Variants in IL1RAPL2 observed in about 807,000 individuals in gnomAD.
The protein encoded by IL1RAPL2 is interleukin 1 receptor accessory protein like 2.
A neutral mutation model predicts 44.1 loss-of-function variants in IL1RAPL2; 3 were observed. The observed-to-expected ratio is 0.07, with a 90% CI of 0.03 to 0.18. The LOEUF is 0.18. IL1RAPL2 is among the 10% of genes least tolerant of loss of function. IL1RAPL2 has a pLI of 1.00. For missense variants in IL1RAPL2, 391 were observed against 496.4 expected, an observed-to-expected ratio of 0.79 and a Z score of 2.02; for synonymous variants, 181 against 178.8, an observed-to-expected ratio of 1.01 and a Z score of -0.10.
At chrX:104,761,830 TCTTCTCCTTCTCCTTCTTCTC>T (rs1569309699) in intron 2 of IL1RAPL2, among the ~76,000 whole-genome samples, 92 of 72,478 alleles carry the variant, frequency 1.3e-3, no homozygotes, top group African/African-American at 1.9e-3. Flanking sequence ...TCCTTCTCCT[TCTTCTCCTTCTCCTTCTTCTC>T]CTTCTCCTTC....
At chrX:104,678,675 T>G (rs1380351268) in intron 2 of IL1RAPL2, among the ~76,000 whole-genome samples, 1 of 111,950 alleles carries the variant, frequency 8.9e-6, no homozygotes, top group African/African-American at 3.2e-5. Flanking sequence ...TAACTACAAC[T>G]TGGCCAAAGC....
intron 2 of IL1RAPL2, among the ~76,000 whole-genome samples, chrX:105,041,753 G>C (rs1012813619): frequency 1.8e-5 from 2 of 108,482 alleles, no homozygotes; most frequent in African/African-American, 6.8e-5. Flanking sequence ...AACCAAAAAA[G>C]AGCCCGCATC....
At chrX:105,464,283 A>C (rs973181557) in intron 5 of IL1RAPL2, among the ~76,000 whole-genome samples, 2 of 112,070 alleles carry the variant, frequency 1.8e-5, no homozygotes, top group Admixed American at 9.5e-5. Context: ...CTATAAGATA[A>C]ATGCTATTAT....
chrX:105,292,882 G>A (rs897419960), intron 5 of IL1RAPL2, among the ~76,000 whole-genome samples: 20 of 110,452 alleles, frequency 1.8e-4, no homozygotes, highest in Middle Eastern at 4.8e-3. Flanking sequence ...GGGAGGCCAA[G>A]GCAGGCGGAT....
At chrX:105,095,014 A>G (rs1452272806) in intron 2 of IL1RAPL2, among the ~76,000 whole-genome samples, 1 of 111,812 alleles carries the variant, frequency 8.9e-6, no homozygotes. Context: ...GTATACCAAT[A>G]TCGTATCTTG....
rs781236209 is a variant in IL1RAPL2 at position 105,031,433 on chromosome X, A to C, written c.83-164042A>C. On this transcript the variant is annotated intron_variant, in intron 2 of 10. Coordinates refer to ENST00000372582, the MANE Select transcript of IL1RAPL2 (RefSeq NM_017416.2). ...GATATGTTCCATCAATACCTAATTT[A>C]TTGAGAGTTTTTAGCATGAAGGGTT... Among the ~76,000 whole-genome samples, 509 of 111,474 alleles carry C rather than the reference A, an allele frequency of 4.6e-3. 3 individuals carry two copies. The highest frequency in any genetic ancestry group is 0.014 in the African/African-American group (438 of 30,604).
intron 5 of IL1RAPL2, among the ~76,000 whole-genome samples, chrX:105,318,898 A>G (rs1218605629): frequency 8.9e-6 from 1 of 112,466 alleles, no homozygotes; most frequent in Non-Finnish European, 1.9e-5. Context: ...AGGGAATTAT[A>G]GCTATCGCCT....
Position 104,635,575 on chromosome X carries a change from C to G in IL1RAPL2, c.-19-23320C>G, listed in dbSNP as rs192795531. ...TCTTTTTTCTCTAAACTTCTCTTGT[C>G]ACTTCATTTCATTCATTTGATCTTC... On this transcript the variant is annotated intron_variant, in intron 1 of 10. Coordinates refer to ENST00000372582, the MANE Select transcript of IL1RAPL2 (RefSeq NM_017416.2). 7.7e-4 allele frequency among the ~76,000 whole-genome samples: 86 copies of G among 111,676 alleles called. 1 individual carries two copies. The highest frequency in any genetic ancestry group is 2.6e-3 in the African/African-American group (81 of 30,788).
intron 1 of IL1RAPL2, among the ~76,000 whole-genome samples, chrX:104,636,238 T>G (rs1184902837): frequency 1.8e-5 from 2 of 111,724 alleles, no homozygotes; most frequent in Non-Finnish European, 3.8e-5. Context: ...GCATGTGAGG[T>G]GTCAGTCTGC....
chrX:104,714,614 G>A (rs1036820011), intron 2 of IL1RAPL2, among the ~76,000 whole-genome samples: 3 of 111,286 alleles, frequency 2.7e-5, no homozygotes, highest in African/African-American at 9.8e-5. Flanking sequence ...TCTGTCTTGC[G>A]TATTTCTTCA....
intron 6 of IL1RAPL2, among the ~76,000 whole-genome samples, chrX:105,689,204 A>G (rs1274556995): frequency 8.9e-6 from 1 of 112,122 alleles, no homozygotes; most frequent in African/African-American, 3.2e-5. Context: ...ATGGCAACAA[A>G]AGGCAAAATT....
chrX:105,247,926 AT>A (rs199821970), intron 4 of IL1RAPL2, among the ~76,000 whole-genome samples: 9 of 108,558 alleles, frequency 8.3e-5, no homozygotes, highest in South Asian at 3.9e-4. Flanking sequence ...CCCTTCTCTA[AT>A]TTTTTTTTAT....
At chrX:105,021,175 G>GTAA (rs777205993) in intron 2 of IL1RAPL2, among the ~76,000 whole-genome samples, 1 of 111,462 alleles carries the variant, frequency 9.0e-6, no homozygotes, top group Non-Finnish European at 1.9e-5. Context: ...GCATCCAATT[G>GTAA]TAATGCAAGG....
At chrX:105,313,807 G>A (rs966162563) in intron 5 of IL1RAPL2, among the ~76,000 whole-genome samples, 1 of 111,226 alleles carries the variant, frequency 9.0e-6, no homozygotes, top group African/African-American at 3.3e-5. Flanking sequence ...CCAAAGTTTA[G>A]GTAAATAAAT....
chrX:105,363,277 G>GTATA (rs1186214852), intron 5 of IL1RAPL2, among the ~76,000 whole-genome samples: 1 of 81,082 alleles, frequency 1.2e-5, no homozygotes. Flanking sequence ...ATATATGTGT[G>GTATA]TATATATATA....
At chrX:105,259,030 G>A (rs1603036054) in intron 4 of IL1RAPL2, among the ~76,000 whole-genome samples, 1 of 111,913 alleles carries the variant, frequency 8.9e-6, no homozygotes, top group Admixed American at 9.5e-5. Context: ...GAGTTCTTGC[G>A]TTGGTTCTTT....
At chrX:104,986,108 T>A (rs767126769) in intron 2 of IL1RAPL2, among the ~76,000 whole-genome samples, 1 of 112,278 alleles carries the variant, frequency 8.9e-6, no homozygotes, top group East Asian at 2.8e-4. Flanking sequence ...CCTGTTTATC[T>A]CATATTCCTT....
chrX:105,275,705 CA>C (rs2034480797), intron 5 of IL1RAPL2, among the ~76,000 whole-genome samples: 1 of 111,824 alleles, frequency 8.9e-6, no homozygotes, highest in Non-Finnish European at 1.9e-5. Context: ...CATTCTGTTA[CA>C]AGAACTTTAT....
intron 6 of IL1RAPL2, among the ~76,000 whole-genome samples, chrX:105,540,902 C>CATACATATATTATATATGTATATAATAT (rs2036725709): frequency 1.2e-4 from 2 of 16,328 alleles, no homozygotes; most frequent in African/African-American, 5.0e-4. Flanking sequence ...ATATATAATA[C>CATACATATATTATATATGTATATAATAT]ATACATATAT....
Sources: gnomAD v4.1 joint callset for allele counts (sites outside exome capture counted in the v4.1 genomes callset) on GRCh38, gnomAD v4.1.1 for gene constraint, MANE v1.5 for transcripts, NCBI Gene and HGNC (gene_info 2026-07-23, HGNC 2026-07-21) for gene names.